The following RORA variants were observed in gnomAD, a reference collection of about 807,000 sequenced individuals.
RORA encodes nuclear receptor ROR-alpha.
In RORA, 7 loss-of-function variants were observed where a neutral mutation model predicts 69.5. The observed-to-expected ratio is 0.10, with a 90% CI of 0.06 to 0.19. The LOEUF is 0.19. Among genes scored for constraint, RORA ranks in the 10% least tolerant of loss-of-function variants. The pLI is 1.00. For missense variants in RORA, 457 were observed against 663.0 expected (o/e 0.69, Z 3.41); for synonymous variants, 261 against 240.8 (o/e 1.08, Z -0.78).
intron 5 of RORA, among the ~76,000 whole-genome samples, chr15:60,510,724 AT>A (rs1393377712): frequency 2.6e-5 from 4 of 152,160 alleles, no homozygotes; most frequent in Admixed American, 6.5e-5. Flanking sequence ...TAAATAGATC[AT>A]TTTTTCCCCT....
chr15:60,586,169 G>A (rs1338237019), intron 2 of RORA, among the ~76,000 whole-genome samples: 1 of 152,172 alleles, frequency 6.6e-6, no homozygotes, highest in Non-Finnish European at 1.5e-5. Context: ...AAGACTGGTG[G>A]TGAGAGGTGC....
intron 1 of RORA, among the ~76,000 whole-genome samples, chr15:61,041,641 C>T (rs1352492335): frequency 6.6e-6 from 1 of 152,154 alleles, no homozygotes; most frequent in Non-Finnish European, 1.5e-5. Flanking sequence ...TCACTGCAGC[C>T]TCGAACTCCT....
At chr15:61,182,515 T>G (rs2079696759) in intron 1 of RORA, among the ~76,000 whole-genome samples, 1 of 152,200 alleles carries the variant, frequency 6.6e-6, no homozygotes. Context: ...TGGAGCCAAC[T>G]GCAGGAAGAT....
At chr15:60,704,225 C>T (rs2071026666) in intron 1 of RORA, among the ~76,000 whole-genome samples, 1 of 152,260 alleles carries the variant, frequency 6.6e-6, no homozygotes, top group Non-Finnish European at 1.5e-5. Flanking sequence ...GAGGTGTTTA[C>T]ATCTCGGCTC....
chr15:61,162,844 T>TA (rs1184484634), intron 1 of RORA, among the ~76,000 whole-genome samples: 1 of 152,196 alleles, frequency 6.6e-6, no homozygotes, highest in East Asian at 1.9e-4. Context: ...TTACAAGTCT[T>TA]CAACATAAAA....
intron 1 of RORA, among the ~76,000 whole-genome samples, chr15:61,060,000 A>C (rs138037638): frequency 9.1e-6 from 1 of 110,050 alleles, no homozygotes; most frequent in Non-Finnish European, 2.0e-5. Context: ...AAGAAGAAGA[A>C]GAAGAAGAAG....
rs142975082 is a variant in RORA, at chr15:61,084,061, C to T, written c.166+144992G>A. 2.8e-3 allele frequency among the ~76,000 whole-genome samples: 433 copies of T among 152,218 alleles called. 3 individuals carry two copies. Among genetic ancestry groups the T allele is most frequent in the Non-Finnish European group, 6.6e-4 (45 of 68,032 alleles). On this transcript the variant is annotated intron_variant, in intron 1 of 10. Coordinates refer to ENST00000335670, the MANE Select transcript of RORA (RefSeq NM_134261.3). ...ATGGAGATTATTCCCTTACAGGTAACGTGAAGTGAGAGACATAAGAATATT... is the reference window on the plus strand; with the variant it reads ...ATGGAGATTATTCCCTTACAGGTAATGTGAAGTGAGAGACATAAGAATATT...
chr15:60,780,723 C>T (rs1446980252), intron 1 of RORA, among the ~76,000 whole-genome samples: 4 of 152,178 alleles, frequency 2.6e-5, no homozygotes, highest in Non-Finnish European at 5.9e-5. Context: ...AATCCACATC[C>T]GTGTAGCCAT....
At chr15:61,154,442 G>C (rs1160443549) in intron 1 of RORA, among the ~76,000 whole-genome samples, 1 of 151,994 alleles carries the variant, frequency 6.6e-6, no homozygotes, top group Non-Finnish European at 1.5e-5. Flanking sequence ...AGAACTGTGA[G>C]CCACAGCACT....
chr15:60,557,347 G>T (rs189516410), intron 2 of RORA, among the ~76,000 whole-genome samples: 10 of 152,336 alleles, frequency 6.6e-5, no homozygotes, highest in Admixed American at 5.9e-4. Flanking sequence ...GGCACTACGA[G>T]AGGATGTAGA....
chr15:60,764,495 C>A (rs888688033), intron 1 of RORA, among the ~76,000 whole-genome samples: 2 of 150,250 alleles, frequency 1.3e-5, no homozygotes, highest in Non-Finnish European at 3.0e-5. Context: ...TTTTTTTTAT[C>A]TCTGGCAACA....
intron 2 of RORA, among the ~76,000 whole-genome samples, chr15:60,552,966 T>C (rs1399762032): frequency 6.6e-6 from 1 of 152,188 alleles, no homozygotes; most frequent in Non-Finnish European, 1.5e-5. Flanking sequence ...CTTCCACTTA[T>C]TAGCACTGTG....
At chr15:60,641,549 A>G (rs2069944550) in intron 2 of RORA, among the ~76,000 whole-genome samples, 1 of 152,092 alleles carries the variant, frequency 6.6e-6, no homozygotes, top group Non-Finnish European at 1.5e-5. Context: ...AGCTGGGATT[A>G]CAGGCATGTG....
At chr15:60,527,113 A>G (rs1019815469) in intron 3 of RORA, among the ~76,000 whole-genome samples, 6 of 152,236 alleles carry the variant, frequency 3.9e-5, no homozygotes, top group African/African-American at 1.4e-4. Context: ...TCTTAGTGTT[A>G]TCAAGAGGAA....
intron 2 of RORA, among the ~76,000 whole-genome samples, chr15:60,658,885 A>G (rs2070261737): frequency 6.6e-6 from 1 of 152,162 alleles, no homozygotes; most frequent in South Asian, 2.1e-4. Flanking sequence ...TGCCTTTTGG[A>G]AAGGCACTGT....
intron 1 of RORA, among the ~76,000 whole-genome samples, chr15:60,760,712 G>A (rs1021111789): frequency 2.0e-5 from 3 of 152,184 alleles, no homozygotes; most frequent in African/African-American, 7.2e-5. Context: ...TATCAGCTAA[G>A]GAACAGCAAA....
chr15:60,752,032 A>G (rs748956084), intron 1 of RORA, among the ~76,000 whole-genome samples: 14 of 152,236 alleles, frequency 9.2e-5, no homozygotes, highest in East Asian at 1.9e-4. Flanking sequence ...GAGAAGGGCC[A>G]TCAATAAGGA....
intron 1 of RORA, among the ~76,000 whole-genome samples, chr15:60,719,111 C>A (rs959479612): frequency 1.8e-4 from 3 of 17,118 alleles, no homozygotes; most frequent in Non-Finnish European, 2.1e-4. Flanking sequence ...TGGGTCTTTA[C>A]TTGATCAAAT....
At chr15:60,631,882 G>T (rs1224138490) in intron 2 of RORA, among the ~76,000 whole-genome samples, 2 of 152,190 alleles carry the variant, frequency 1.3e-5, no homozygotes, top group Non-Finnish European at 2.9e-5. Flanking sequence ...GGGCCTGCTT[G>T]TAAACACTGG....
Sources: gnomAD v4.1 joint callset for allele counts (sites outside exome capture counted in the v4.1 genomes callset) on GRCh38, gnomAD v4.1.1 for gene constraint, MANE v1.5 for transcripts, NCBI Gene and HGNC (gene_info 2026-07-23, HGNC 2026-07-21) for gene names.